XRCC5: variants seen among roughly 807,000 people sequenced by gnomAD.
XRCC5 encodes the protein DNA repair protein Ku80.
In XRCC5, 12 loss-of-function variants were observed where a neutral mutation model predicts 95.7. That is an observed-to-expected ratio of 0.13 (90% CI 0.08 to 0.20). The LOEUF is 0.20. Among genes scored for constraint, XRCC5 ranks in the 10% least tolerant of loss-of-function variants. XRCC5 has a pLI of 1.00. For missense variants in XRCC5, 595 were observed against 873.9 expected (o/e 0.68, Z 4.02); for synonymous variants, 281 against 290.3 (o/e 0.97, Z 0.33).
intron 10 of XRCC5, 29 bp from the exon 11 acceptor site, chr2:216,137,059 T>C: frequency 3.1e-6 from 5 of 1,599,886 alleles, no homozygotes; most frequent in Non-Finnish European, 4.3e-6. Context: ...ATGTTGAATA[T>C]GTGTTAATAC....
chr2:216,138,950 T>G (rs529227027), intron 12 of XRCC5, among the ~76,000 whole-genome samples: 2 of 152,282 alleles, frequency 1.3e-5, no homozygotes, highest in East Asian at 3.9e-4. Context: ...CTAGACCCTT[T>G]GGAAGTAGTG....
chr2:216,188,220 A>G (rs1258205969), intron 16 of XRCC5, among the ~76,000 whole-genome samples: 3 of 152,228 alleles, frequency 2.0e-5, no homozygotes, highest in African/African-American at 7.2e-5. Flanking sequence ...CTAAAAAGCC[A>G]TGTTGATTTG....
chr2:216,181,980 C>T (rs1181357299), intron 16 of XRCC5, among the ~76,000 whole-genome samples: 1 of 152,070 alleles, frequency 6.6e-6, no homozygotes, highest in African/African-American at 2.4e-5. Context: ...ACCGTATAAA[C>T]CAAGGCATTA....
chr2:216,197,038 T>C (rs910989667), intron 19 of XRCC5, among the ~76,000 whole-genome samples: 1 of 152,224 alleles, frequency 6.6e-6, no homozygotes, highest in Admixed American at 6.5e-5. Flanking sequence ...CTAAAAAAGC[T>C]TGTGTTTCCT....
intron 13 of XRCC5, among the ~76,000 whole-genome samples, chr2:216,142,750 T>A (rs888722964): frequency 6.6e-6 from 1 of 152,180 alleles, no homozygotes. Context: ...GTAACTAACT[T>A]AAGTCCATAT....
intron 2 of XRCC5, among the ~76,000 whole-genome samples, chr2:216,115,339 C>T (rs1407397765): frequency 2.0e-5 from 3 of 152,136 alleles, no homozygotes; most frequent in African/African-American, 7.2e-5. Flanking sequence ...AAGTCAGAAT[C>T]AGGAACTTAG....
intron 18 of XRCC5, among the ~76,000 whole-genome samples, chr2:216,193,831 G>A (rs1304079925): frequency 6.6e-6 from 1 of 152,200 alleles, no homozygotes; most frequent in Non-Finnish European, 1.5e-5. Context: ...TTAAATACAT[G>A]TGCTTTTTGA....
Position 216,109,358 on chromosome 2 carries a change from G to A in XRCC5, c.-79G>A. 2 of 1,607,870 alleles carry A rather than the reference G, an allele frequency of 1.2e-6. No homozygotes were observed. The highest frequency in any genetic ancestry group is 1.3e-5 in the African/African-American group (1 of 74,846). On this transcript the variant is annotated 5_prime_UTR_variant, in exon 1 of 21. Coordinates refer to ENST00000392132, the MANE Select transcript of XRCC5 (RefSeq NM_021141.4). The stretch of plus-strand genomic sequence containing the variant: ...GAAGCGGCTCTTTCCGCTATCTGCC[G>A]CTTGTCCACCGGAAGCGAGTTGCGA...
rs1448775600 is a variant in XRCC5, at chr2:216,194,940, A to G, written c.2063A>G (p.Lys688Arg). Residue 688 changes from lysine (K) to arginine (R), a missense_variant, in exon 19 of 21, where the codon AAA becomes AGA. Lys to Arg is a conservative substitution (Grantham distance 26). Coordinates refer to ENST00000392132, the MANE Select transcript of XRCC5 (RefSeq NM_021141.4). The part of the protein sequence containing the change: ...VVQDGITLIT[K>R]EEASGSSVTA... The stretch of plus-strand genomic sequence containing the variant: ...TTAGATGGAATTACTCTGATCACCA[A>G]AGAGGAAGCCTCTGGAAGTTCTGTC... 1 of 1,614,186 alleles carries G rather than the reference A, an allele frequency of 6.2e-7. No individual in the cohort carries two copies. The highest frequency in any genetic ancestry group is 8.5e-7 in the Non-Finnish European group (1 of 1,180,014).
At chr2:216,196,453 A>G (rs115504604) in intron 19 of XRCC5, among the ~76,000 whole-genome samples, 132 of 152,256 alleles carry the variant, frequency 8.7e-4, no homozygotes, top group African/African-American at 3.0e-3. Context: ...GAACTGGGCT[A>G]TTTCAGTCAA....
chr2:216,195,009 C>T, intron 19 of XRCC5, 23 bp downstream of exon 19: 1 of 1,610,540 alleles, frequency 6.2e-7, no homozygotes. Flanking sequence ...AAACCTTTGT[C>T]TTTAGTTGAA....
chr2:216,148,877 A>G (rs1688687858), intron 14 of XRCC5, among the ~76,000 whole-genome samples: 1 of 152,200 alleles, frequency 6.6e-6, no homozygotes, highest in Non-Finnish European at 1.5e-5. Flanking sequence ...TCTGTTCACA[A>G]TCTGTGTCAG....
chr2:216,121,477 A>G (rs552450274), intron 5 of XRCC5, among the ~76,000 whole-genome samples: 2 of 152,270 alleles, frequency 1.3e-5, no homozygotes, highest in East Asian at 1.9e-4. Flanking sequence ...GTGTCATCCC[A>G]TGTCAAAAGG....
intron 19 of XRCC5, 144 bp from the exon 20 acceptor site, chr2:216,204,178 G>C: frequency 2.2e-6 from 2 of 897,504 alleles, no homozygotes; most frequent in Non-Finnish European, 3.5e-6. Flanking sequence ...GCGTATGCCA[G>C]GATGATGTTT....
At chr2:216,114,222 G>A (rs765861335) in intron 2 of XRCC5, among the ~76,000 whole-genome samples, 1 of 152,082 alleles carries the variant, frequency 6.6e-6, no homozygotes, top group Non-Finnish European at 1.5e-5. Flanking sequence ...TACTTGGTAT[G>A]ACTGCCACTT....
chr2:216,114,979 C>T (rs1003690272), intron 2 of XRCC5, among the ~76,000 whole-genome samples: 1 of 151,964 alleles, frequency 6.6e-6, no homozygotes, highest in African/African-American at 2.4e-5. Flanking sequence ...ACTGGAAGCC[C>T]GGGAAAAGAT....
chr2:216,130,262 G>C (rs1168095705), intron 8 of XRCC5, among the ~76,000 whole-genome samples: 1 of 146,628 alleles, frequency 6.8e-6, no homozygotes, highest in East Asian at 2.0e-4. Flanking sequence ...TTAAGAAGCC[G>C]AGAGCCTATG....
intron 18 of XRCC5, 103 bp from the exon 19 acceptor site, chr2:216,194,816 A>G (rs1689684935): frequency 8.9e-7 from 1 of 1,118,304 alleles, no homozygotes; most frequent in African/African-American, 1.6e-5. Flanking sequence ...ATTTAAAAAA[A>G]AGAAATCTTC....
At chr2:216,185,813 C>A (rs964498238) in intron 16 of XRCC5, among the ~76,000 whole-genome samples, 11 of 151,816 alleles carry the variant, frequency 7.2e-5, no homozygotes, top group African/African-American at 2.7e-4. Context: ...TTAGTAGAGA[C>A]AGGGTTTCAC....
Sources: allele counts gnomAD v4.1 joint callset (sites outside exome capture counted in the v4.1 genomes callset), GRCh38; gene constraint gnomAD v4.1.1; transcripts MANE v1.5; gene names NCBI Gene and HGNC (gene_info 2026-07-23, HGNC 2026-07-21).